Variants in MBTD1 observed in about 807,000 individuals in gnomAD.
MBTD1 encodes mbt domain containing 1.
MBTD1 carries 24 observed loss-of-function variants against 87.8 expected under a neutral mutation model. The observed-to-expected ratio is 0.27, with a 90% CI of 0.20 to 0.38. MBTD1 has a LOEUF of 0.38. Among genes scored for constraint, MBTD1 ranks in the 10% least tolerant of loss-of-function variants. MBTD1 has a pLI of 1.00. For synonymous variants in MBTD1, 237 were observed against 248.6 expected, an observed-to-expected ratio of 0.95 and a Z score of 0.44; for missense variants, 436 against 760.2, an observed-to-expected ratio of 0.57 and a Z score of 5.02.
intron 2 of MBTD1, among the ~76,000 whole-genome samples, chr17:51,257,996 AAGG>A (rs1313671936): frequency 7.9e-6 from 1 of 126,158 alleles, no homozygotes; most frequent in Non-Finnish European, 1.7e-5. Context: ...TTATTCAGAG[AAGG>A]AGGTGGTGCA....
At chr17:51,191,522 C>T (rs988849342) in intron 16 of MBTD1, 30 of 151,648 alleles carry the variant, frequency 2.0e-4, no homozygotes, top group African/African-American at 7.3e-4. Context: ...GAAAGTTTTG[C>T]TTTCTAGGAA....
intron 12 of MBTD1, among the ~76,000 whole-genome samples, chr17:51,197,003 C>A (rs1301941900): frequency 5.7e-5 from 7 of 122,896 alleles, no homozygotes; most frequent in African/African-American, 2.2e-4. Context: ...CAACTCCTTG[C>A]AGTTGATTTT....
At chr17:51,260,486 C>G, upstream of MBTD1, 1 of 1,349,128 alleles carries the variant, frequency 7.4e-7, no homozygotes, top group African/African-American at 1.5e-5. Flanking sequence ...CAGGCTCCTT[C>G]CGGCCCCCGG....
Position 51,218,958 on chromosome 17 carries a change from G to T in MBTD1, c.375C>A (p.Thr125=), listed in dbSNP as rs1482425199. 19 of 1,549,586 alleles carry T rather than the reference G, an allele frequency of 1.2e-5. No individual in the cohort carries two copies. The highest frequency in any genetic ancestry group is 1.7e-5 in the Non-Finnish European group (19 of 1,145,390). ...KLAAYAQYQA[T]LQNQAKTKAA... ...CTTTTGTCTTTGCTTGATTTTGCAA[G>T]GTAGCTTGATACTGAGCATATGCGG... Residue 125 remains threonine (T), a synonymous_variant, in exon 5 of 17, where the codon ACC becomes ACA. Coordinates refer to ENST00000586178, the MANE Select transcript of MBTD1 (RefSeq NM_017643.3).
At chr17:51,242,074 A>C (rs1317228037) in intron 2 of MBTD1, among the ~76,000 whole-genome samples, 1 of 152,208 alleles carries the variant, frequency 6.6e-6, no homozygotes, top group African/African-American at 2.4e-5. Context: ...CCCTGGAACC[A>C]AACATTTCTC....
intron 3 of MBTD1, among the ~76,000 whole-genome samples, chr17:51,222,796 G>A (rs1457814319): frequency 6.6e-6 from 1 of 151,656 alleles, no homozygotes; most frequent in Non-Finnish European, 1.5e-5. Context: ...ATCAGCCCCT[G>A]AGCTGTTCAT....
intron 6 of MBTD1, among the ~76,000 whole-genome samples, chr17:51,208,411 A>C (rs1484734509): frequency 6.6e-6 from 1 of 152,238 alleles, no homozygotes; most frequent in African/African-American, 2.4e-5. Flanking sequence ...CTTTAAACTG[A>C]AAGACTGGAC....
chr17:51,198,571 T>C lies in MBTD1; in HGVS notation c.1224+3021A>G, dbSNP rs566556907. On this transcript the variant is annotated intron_variant, in intron 12 of 16. Transcript: ENST00000586178. ...CAGGTGACTAGACTAGGGACTTGTA[T>C]GTATCACATATGGAACCAAACCAAA... Among the ~76,000 whole-genome samples, 7 of 152,346 alleles carry C rather than the reference T, an allele frequency of 4.6e-5. No individual in the cohort carries two copies. The South Asian group carries it at 1.4e-3, about 32-fold the overall frequency.
intron 2 of MBTD1, among the ~76,000 whole-genome samples, chr17:51,257,317 A>C (rs905559661): frequency 7.2e-5 from 11 of 152,338 alleles, no homozygotes; most frequent in Middle Eastern, 6.8e-3. Context: ...GCTGAGAAAC[A>C]AAGAGCAACC....
At chr17:51,258,872 CCTCA>C (rs1156744061) in intron 2 of MBTD1, among the ~76,000 whole-genome samples, 1 of 152,182 alleles carries the variant, frequency 6.6e-6, no homozygotes, top group Middle Eastern at 3.2e-3. Context: ...TTCGGCTAGC[CCTCA>C]CTATCTCTCA....
chr17:51,232,342 C>T (rs754082168), intron 2 of MBTD1, among the ~76,000 whole-genome samples: 16 of 151,928 alleles, frequency 1.1e-4, no homozygotes, highest in South Asian at 2.1e-4. Flanking sequence ...TATGAGCGCA[C>T]GATCAAATAG....
rs1568135798 is a variant in MBTD1, at chr17:51,179,501, T to TATAC, written c.*1074_*1075insGTAT. The TATAC allele has an allele frequency of 1.3e-5, 1 of 75,686 alleles. No homozygotes were observed. The highest frequency in any genetic ancestry group is 5.2e-5 in the African/African-American group (1 of 19,064). 4.7% of individuals were successfully genotyped at this position (75,686 alleles called of 1,614,324 possible). Reference sequence around the variant, plus strand: ...AGACAATTTTATATATATATATATATATATATATATATATATATATATATA... The same window carrying TATAC: ...AGACAATTTTATATATATATATATATATACATATATATATATATATATATATATA... On this transcript the variant is annotated 3_prime_UTR_variant, in exon 17 of 17. Coordinates refer to ENST00000586178, the MANE Select transcript of MBTD1 (RefSeq NM_017643.3).
At chr17:51,185,120 T>C (rs2050477204) in intron 16 of MBTD1, 1 of 152,004 alleles carries the variant, frequency 6.6e-6, no homozygotes, top group Non-Finnish European at 1.5e-5. Flanking sequence ...GGTGCAAAAA[T>C]ATTAGCAAAC....
rs2144360415 is a variant in MBTD1 at position 51,259,879 on chromosome 17, T to C, written c.-157A>G. The C allele has an allele frequency of 8.1e-7, 1 of 1,231,594 alleles. No individual in the cohort carries two copies. Among genetic ancestry groups the C allele is most frequent in the Non-Finnish European group, 1.0e-6 (1 of 987,770 alleles). 76.3% of individuals were successfully genotyped at this position (1,231,594 alleles called of 1,614,324 possible). A position where few individuals can be genotyped will look rare whatever the true frequency, so the allele number is the denominator to read the frequency against. On this transcript the variant is annotated 5_prime_UTR_variant, in exon 1 of 17. Coordinates refer to ENST00000586178, the MANE Select transcript of MBTD1 (RefSeq NM_017643.3). ...ATCAGGGCCTCATGGGTAGGGGTTG[T>C]CCGTGCTCCCCGAGCCCGCGGCGCC...
intron 6 of MBTD1, among the ~76,000 whole-genome samples, chr17:51,210,786 A>ACAACAACAACAT (rs1555684368): frequency 1.4e-5 from 2 of 146,454 alleles, no homozygotes; most frequent in African/African-American, 5.0e-5. Flanking sequence ...AACAACAACA[A>ACAACAACAACAT]CAACAACAAC....
chr17:51,232,876 AAAAAAT>A (rs750168151), intron 2 of MBTD1, among the ~76,000 whole-genome samples: 4 of 151,744 alleles, frequency 2.6e-5, no homozygotes, highest in South Asian at 2.1e-4. Context: ...TGCCTCTACA[AAAAAAT>A]AAAAATAAAA....
intron 2 of MBTD1, among the ~76,000 whole-genome samples, chr17:51,243,485 G>A (rs2054267178): frequency 6.6e-6 from 1 of 152,022 alleles, no homozygotes; most frequent in East Asian, 1.9e-4. Flanking sequence ...AATTCAATGT[G>A]CATTTCCTTG....
chr17:51,201,680 T>C lies in MBTD1; in HGVS notation c.1136A>G (p.Gln379Arg). The change falls in exon 12 of 17, where the codon CAG (glutamine) becomes CGG (arginine). Residue 379 changes from glutamine to arginine, a missense_variant. Coordinates refer to ENST00000586178, the MANE Select transcript of MBTD1 (RefSeq NM_017643.3). ...HLFAKVKEVD[Q>R]SGEWFKEGMK... ...TCCTTCCTTGAACCATTCCCCACTC[T>C]GGTCTACTTCTTTTACCTAAAGAAT... The C allele has an allele frequency of 2.5e-6, 4 of 1,605,626 alleles. No homozygotes were observed. The highest frequency in any genetic ancestry group is 3.4e-6 in the Non-Finnish European group (4 of 1,173,364).
intron 16 of MBTD1, among the ~76,000 whole-genome samples, chr17:51,190,311 G>A (rs1007162175): frequency 2.6e-5 from 4 of 151,740 alleles, no homozygotes; most frequent in African/African-American, 9.7e-5. Flanking sequence ...TTAGAGATGG[G>A]GTCTTGCCAT....
Sources: allele counts gnomAD v4.1 joint callset (sites outside exome capture counted in the v4.1 genomes callset), GRCh38; gene constraint gnomAD v4.1.1; transcripts MANE v1.5; gene names NCBI Gene and HGNC (gene_info 2026-07-23, HGNC 2026-07-21).